Variants in PLS3 observed in about 807,000 individuals in gnomAD.
The protein encoded by PLS3 is plastin-3.
PLS3 carries 11 observed loss-of-function variants against 46.5 expected under a neutral mutation model. The ratio of observed to expected loss-of-function variants is 0.24; its 90% CI spans 0.15 to 0.39. The LOEUF (loss-of-function observed/expected upper bound fraction) is 0.39, where lower values mean the gene tolerates loss of function less well. Ranked by LOEUF, PLS3 falls within the 10% of genes least tolerant of loss-of-function variation. The pLI is 1.00. For missense variants in PLS3, 308 were observed against 461.8 expected (o/e 0.67, Z 3.05); for synonymous variants, 167 against 162.2 (o/e 1.03, Z -0.22).
chrX:115,638,607 A>G (rs1425272811), intron 8 of PLS3, among the ~76,000 whole-genome samples: 1 of 112,473 alleles, frequency 8.9e-6, no homozygotes, highest in Non-Finnish European at 1.9e-5. Context: ...CCAACCATAA[A>G]TGGATTTTAT....
intron 1 of PLS3, among the ~76,000 whole-genome samples, chrX:115,608,931 T>A (rs2074520624): frequency 1.8e-5 from 2 of 109,529 alleles, no homozygotes; most frequent in African/African-American, 6.7e-5. Flanking sequence ...AACCTAAAAC[T>A]ACTCTAATAA....
At chrX:115,609,982 TC>T (rs1341879683) in intron 1 of PLS3, among the ~76,000 whole-genome samples, 2 of 112,273 alleles carry the variant, frequency 1.8e-5, no homozygotes, top group African/African-American at 6.4e-5. Flanking sequence ...CTTTGGCCCT[TC>T]CTTAAACTTT....
chrX:115,606,165 CTTTTTTTTTTT>C (rs782575149), intron 1 of PLS3, among the ~76,000 whole-genome samples: 8 of 30,286 alleles, frequency 2.6e-4, no homozygotes, highest in East Asian at 1.2e-3. Context: ...CTTTTCTTTT[CTTTTTTTTTTT>C]TTTTTTTTTT....
intron 1 of PLS3, among the ~76,000 whole-genome samples, chrX:115,599,336 CA>C (rs1226830291): frequency 7.0e-3 from 228 of 32,405 alleles, no homozygotes; most frequent in Admixed American, 9.4e-3. Flanking sequence ...CCTGTCTCTA[CA>C]AAAAAAAAAA....
intron 4 of PLS3, 25 bp downstream of exon 4, chrX:115,629,352 T>C: frequency 8.6e-7 from 1 of 1,162,021 alleles, no homozygotes; most frequent in Admixed American, 2.3e-5. Flanking sequence ...TGCAATAGGT[T>C]AACACAATGT....
chrX:115,634,783 A>T, intron 6 of PLS3, 98 bp from the exon 7 acceptor site: 1 of 780,065 alleles, frequency 1.3e-6, no homozygotes, highest in Non-Finnish European at 1.9e-6. Flanking sequence ...ACAGGGTATT[A>T]ATTTCCTCAT....
intron 1 of PLS3, among the ~76,000 whole-genome samples, chrX:115,578,771 T>G (rs782348358): frequency 9.0e-6 from 1 of 110,642 alleles, no homozygotes. Context: ...GTAAATGTTC[T>G]TCATTTTCCC....
intron 1 of PLS3, among the ~76,000 whole-genome samples, chrX:115,588,194 T>C (rs1334464425): frequency 8.9e-6 from 1 of 112,452 alleles, no homozygotes; most frequent in East Asian, 2.8e-4. Context: ...AGACTCTACA[T>C]TGCAACCAAC....
chrX:115,636,957 C>T lies in PLS3; in HGVS notation c.870C>T (p.Asn290=). 1.7e-6 allele frequency: 2 copies of T among 1,209,331 alleles called. No homozygotes were observed. The highest frequency in any genetic ancestry group is 2.2e-6 in the Non-Finnish European group (2 of 894,100). Residue 290 remains asparagine (N), a synonymous_variant, in exon 8 of 16, where the codon AAC becomes AAT. Transcript: ENST00000355899. ...HLENSGWQKI[N]NFSADIKDSK... is the part of the protein sequence containing the mutation. ...AAAACTCGGGCTGGCAAAAAATTAA[C>T]AACTTTAGTGCTGACATCAAGGTAA...
intron 8 of PLS3, among the ~76,000 whole-genome samples, chrX:115,638,171 C>T (rs1400042645): frequency 9.0e-6 from 1 of 110,800 alleles, no homozygotes; most frequent in African/African-American, 3.3e-5. Context: ...AGTGCAGTGG[C>T]ACTATCTCGG....
In PLS3 at chrX:115,622,102, C is replaced by G. The variant is rs2074661288; in HGVS notation, c.74-144C>G. The G allele has an allele frequency of 1.7e-5, 8 of 475,292 alleles. No homozygotes were observed. In the South Asian group the frequency reaches 3.2e-4, roughly 19 times the overall value. The allele number at this position is 475,292 out of a possible 1,213,427, so 39.2% of individuals were successfully genotyped here. A position where few individuals can be genotyped will look rare whatever the true frequency, so the allele number is the denominator to read the frequency against. On this transcript the variant is annotated intron_variant, in intron 2 of 15. Transcript: ENST00000355899. ...TTTTTCCATTTAAATGTCCATTTCC[C>G]TTTCAAACAACTTTATGTTCCCCAC... is the stretch of plus-strand genomic sequence containing the variant.
intron 5 of PLS3, among the ~76,000 whole-genome samples, chrX:115,630,848 T>G (rs1260819792): frequency 1.1e-5 from 1 of 92,928 alleles, no homozygotes; most frequent in Admixed American, 1.3e-4. Context: ...TATATATGTA[T>G]AATATATGTA....
intron 1 of PLS3, among the ~76,000 whole-genome samples, chrX:115,568,682 A>G (rs1430268543): frequency 8.9e-6 from 1 of 112,238 alleles, no homozygotes; most frequent in East Asian, 2.8e-4. Context: ...TTCCTTTGAT[A>G]GTCCCTGAAA....
At chrX:115,567,911 A>G (rs981923040) in intron 1 of PLS3, among the ~76,000 whole-genome samples, 2 of 110,670 alleles carry the variant, frequency 1.8e-5, no homozygotes, top group African/African-American at 3.3e-5. Flanking sequence ...CTGTAAAATA[A>G]AATTTGTTAG....
At chrX:115,645,457 G>A (rs1187212074) in intron 11 of PLS3, among the ~76,000 whole-genome samples, 1 of 110,024 alleles carries the variant, frequency 9.1e-6, no homozygotes. Context: ...GGGCAACAAA[G>A]TGAGATCCTA....
Position 115,629,538 on chromosome X carries a change from A to C in PLS3, c.367+211A>C, listed in dbSNP as rs782398521. 3.6e-5 allele frequency among the ~76,000 whole-genome samples: 4 copies of C among 112,252 alleles called. No individual in the cohort carries two copies. In the South Asian group the frequency reaches 1.5e-3, roughly 41 times the overall value. On this transcript the variant is annotated intron_variant, in intron 4 of 15. Coordinates refer to ENST00000355899, the MANE Select transcript of PLS3 (RefSeq NM_005032.7). Reference sequence around the variant, plus strand: ...TTTGTTAGCTTGCAAGAGACAGGATACAATCCATGTAATGACAGGCTTTAT... The same window carrying C: ...TTTGTTAGCTTGCAAGAGACAGGATCCAATCCATGTAATGACAGGCTTTAT...
chrX:115,575,239 T>G (rs1556631053), intron 1 of PLS3, among the ~76,000 whole-genome samples: 2 of 111,774 alleles, frequency 1.8e-5, no homozygotes, highest in Non-Finnish European at 3.8e-5. Flanking sequence ...GTTTATCCAT[T>G]TGTCCATCGA....
chrX:115,594,668 TCACACA>T (rs1212047902), intron 1 of PLS3, among the ~76,000 whole-genome samples: 7 of 98,002 alleles, frequency 7.1e-5, no homozygotes, highest in Admixed American at 1.1e-4. Flanking sequence ...TCTCTCTCTC[TCACACA>T]CACACACACA....
intron 3 of PLS3, among the ~76,000 whole-genome samples, chrX:115,625,128 C>G (rs1302173716): frequency 2.7e-5 from 3 of 111,611 alleles, no homozygotes; most frequent in Non-Finnish European, 5.6e-5. Context: ...ATGGGTAGAG[C>G]TTAGTTATCC....
Sources: allele counts gnomAD v4.1 joint callset (sites outside exome capture counted in the v4.1 genomes callset), GRCh38; gene constraint gnomAD v4.1.1; transcripts MANE v1.5; gene names NCBI Gene and HGNC (gene_info 2026-07-23, HGNC 2026-07-21).